TNFRSF19: variants seen among roughly 807,000 people sequenced by gnomAD.
TNFRSF19 encodes the protein TNF receptor superfamily member 19.
A neutral mutation model predicts 46.4 loss-of-function variants in TNFRSF19; 27 were observed. The ratio of observed to expected loss-of-function variants is 0.58; its 90% CI spans 0.43 to 0.80. The LOEUF (loss-of-function observed/expected upper bound fraction) is 0.80. Ranked by LOEUF, TNFRSF19 falls within the 30% of genes least tolerant of loss-of-function variation. The probability of loss-of-function intolerance (pLI) is 0.00; values close to 1 mark genes in which losing one functional copy is unlikely to be tolerated. For missense variants in TNFRSF19, 511 were observed against 530.8 expected (o/e 0.96, Z 0.37); for synonymous variants, 204 against 205.0 (o/e 1.00, Z 0.04).
chr13:23,584,589 C>A (rs564789684), intron 1 of TNFRSF19, among the ~76,000 whole-genome samples: 7 of 149,152 alleles, frequency 4.7e-5, no homozygotes, highest in African/African-American at 1.7e-4. Flanking sequence ...GGGTAGATAC[C>A]CAGTAGTGGG....
At chr13:23,620,992 G>A (rs1881612799) in intron 4 of TNFRSF19, among the ~76,000 whole-genome samples, 1 of 152,174 alleles carries the variant, frequency 6.6e-6, no homozygotes, top group African/African-American at 2.4e-5. Flanking sequence ...CACCCAGCTT[G>A]TAAATGAAAG....
chr13:23,609,898 C>G (rs1880780048), intron 3 of TNFRSF19, among the ~76,000 whole-genome samples: 1 of 152,142 alleles, frequency 6.6e-6, no homozygotes, highest in Admixed American at 6.5e-5. Context: ...AAGATATTAA[C>G]GAGCCCTTGC....
chr13:23,579,324 G>A (rs1310444153), intron 1 of TNFRSF19: 2 of 152,394 alleles, frequency 1.3e-5, no homozygotes, highest in Non-Finnish European at 2.9e-5. Context: ...TGCCCTGAGC[G>A]GGGCTCCTAG....
At chr13:23,574,462 G>GT (rs35658802) in intron 1 of TNFRSF19, among the ~76,000 whole-genome samples, 2,083 of 148,650 alleles carry the variant, frequency 0.014, 40 homozygotes, top group African/African-American at 0.041. Context: ...ATGGGCTCCA[G>GT]TTTTTTTTTT....
rs1236466398 is a variant in TNFRSF19 at position 23,669,667 on chromosome 13, G to T, written c.1245+570G>T. The T allele has an allele frequency of 1.0e-5, 10 of 985,160 alleles. No homozygotes were observed. In the Admixed American group the frequency reaches 6.2e-4, roughly 61 times the overall value. 61.0% of individuals were successfully genotyped at this position (985,160 alleles called of 1,614,324 possible). On this transcript the variant is annotated intron_variant, in intron 9 of 9. Transcript: ENST00000248484. ...GTCATAAGACCCTCTCAGGTGGAAT[G>T]GTTTAAGATCAGGTTTGGGTGGAGC...
intron 3 of TNFRSF19, 105 bp from the exon 4 acceptor site, chr13:23,615,762 G>T: frequency 3.3e-6 from 4 of 1,229,706 alleles, no homozygotes; most frequent in Non-Finnish European, 4.4e-6. Flanking sequence ...TAGGAAGGCC[G>T]ACACTTGGTA....
intron 4 of TNFRSF19, among the ~76,000 whole-genome samples, chr13:23,622,245 T>C (rs1222784500): frequency 6.9e-6 from 1 of 144,494 alleles, no homozygotes; most frequent in African/African-American, 2.5e-5. Context: ...CTACTAAAAA[T>C]GCAAAAAACA....
At chr13:23,638,522 C>T (rs566331326) in intron 5 of TNFRSF19, among the ~76,000 whole-genome samples, 11 of 152,268 alleles carry the variant, frequency 7.2e-5, no homozygotes, top group African/African-American at 4.8e-5. Context: ...CAAAGACAGG[C>T]GTGATCATAT....
chr13:23,631,727 T>A (rs1882374367), intron 5 of TNFRSF19, among the ~76,000 whole-genome samples: 3 of 152,212 alleles, frequency 2.0e-5, no homozygotes, highest in Admixed American at 1.3e-4. Flanking sequence ...AATACAGGTT[T>A]CCTTTAAAGG....
intron 9 of TNFRSF19, chr13:23,669,529 T>G: frequency 1.0e-6 from 1 of 985,378 alleles, no homozygotes; most frequent in Non-Finnish European, 1.2e-6. Flanking sequence ...TTTGGTCTCC[T>G]AAAGCTGCTC....
rs112056395 is a variant in TNFRSF19, at chr13:23,668,742, C to G, written c.890C>G (p.Thr297Arg). The G allele has an allele frequency of 5.6e-5, 90 of 1,614,114 alleles. No homozygotes were observed. Among genetic ancestry groups the G allele is most frequent in the Non-Finnish European group, 7.4e-5 (87 of 1,180,040 alleles). The change falls in exon 9 of 10, where the codon ACG becomes AGG. Residue 297 changes from threonine (T) to arginine (R), a missense_variant. Thr to Arg is a moderately conservative substitution (Grantham distance 71). This residue lies in a region of TNFRSF19 where 376 missense variants were observed against 372.7 expected (regional missense o/e 1.01). Coordinates refer to ENST00000248484, the MANE Select transcript of TNFRSF19 (RefSeq NM_148957.4). ...GTGCCGACTTTCTTCGGATCCCTCA[C>G]GCAGTCCATCTGTGGCGAGTTTTCA... ...EMVPTFFGSL[T>R]QSICGEFSDA...
At chr13:23,593,702 T>C (rs1465709592) in intron 3 of TNFRSF19, among the ~76,000 whole-genome samples, 1 of 152,224 alleles carries the variant, frequency 6.6e-6, no homozygotes, top group Admixed American at 6.5e-5. Context: ...AATTTAAAAT[T>C]TGTAGTGTTT....
intron 1 of TNFRSF19, among the ~76,000 whole-genome samples, chr13:23,584,537 T>A (rs1878687811): frequency 6.6e-6 from 1 of 151,886 alleles, no homozygotes; most frequent in African/African-American, 2.4e-5. Context: ...TATAAAAATG[T>A]GTGTGCAAGT....
chr13:23,588,241 A>G lies in TNFRSF19; in HGVS notation c.-34-1909A>G, dbSNP rs112501240. Among the ~76,000 whole-genome samples, 972 of 152,280 alleles carry G rather than the reference A, an allele frequency of 6.4e-3. 11 individuals carry two copies. The highest frequency in any genetic ancestry group is 0.022 in the African/African-American group (932 of 41,556). ...GACTCAGGGTTAAGTAACTTATTCC[A>G]GGTTGCACAGCTCATAAGTAGTGGT... On this transcript the variant is annotated intron_variant, in intron 1 of 9. Coordinates refer to ENST00000248484, the MANE Select transcript of TNFRSF19 (RefSeq NM_148957.4).
chr13:23,648,055 A>G (rs1581790), intron 5 of TNFRSF19, among the ~76,000 whole-genome samples: 147 of 152,184 alleles, frequency 9.7e-4, no homozygotes, highest in African/African-American at 3.5e-3. Context: ...TTGTAAGACT[A>G]TTTTGACTAT....
intron 5 of TNFRSF19, among the ~76,000 whole-genome samples, chr13:23,654,402 C>T (rs1374839991): frequency 6.6e-6 from 1 of 152,094 alleles, no homozygotes; most frequent in East Asian, 1.9e-4. Context: ...CCAGACGTTG[C>T]TCAGCATGCT....
At chr13:23,670,403 T>C (rs1417711057) in intron 9 of TNFRSF19, among the ~76,000 whole-genome samples, 1 of 151,990 alleles carries the variant, frequency 6.6e-6, no homozygotes, top group African/African-American at 2.4e-5. Flanking sequence ...AGGGAAAAAA[T>C]TGGTTTCATT....
intron 9 of TNFRSF19, among the ~76,000 whole-genome samples, 158 bp from the exon 10 acceptor site, chr13:23,673,214 T>A (rs1328080061): frequency 3.3e-5 from 5 of 152,252 alleles, no homozygotes; most frequent in African/African-American, 4.8e-5. Context: ...TAGCTGGATA[T>A]TTGGATACTA....
intron 3 of TNFRSF19, among the ~76,000 whole-genome samples, chr13:23,609,833 T>C (rs1281990671): frequency 6.6e-6 from 1 of 152,230 alleles, no homozygotes; most frequent in Non-Finnish European, 1.5e-5. Flanking sequence ...TTAATGACAG[T>C]GTTGCTCACT....
Sources: allele counts gnomAD v4.1 joint callset (sites outside exome capture counted in the v4.1 genomes callset), GRCh38; gene constraint gnomAD v4.1.1; regional missense constraint gnomAD v4.1.1; transcripts MANE v1.5; gene names NCBI Gene and HGNC (gene_info 2026-07-23, HGNC 2026-07-21).